SDK1: variants seen among roughly 807,000 people sequenced by gnomAD.
SDK1 encodes the protein protein sidekick-1.
Under a neutral mutation model 245.5 loss-of-function variants are expected in SDK1, and 157 were observed. That is an observed-to-expected ratio of 0.64 (90% CI 0.56 to 0.73). The LOEUF (loss-of-function observed/expected upper bound fraction) is 0.73, where lower values mean the gene tolerates loss of function less well. Among genes scored for constraint, SDK1 ranks in the 30% least tolerant of loss-of-function variants. The pLI is 0.00. For missense variants in SDK1, 3,583 were observed against 3,002.3 expected, an observed-to-expected ratio of 1.19 and a Z score of -4.52; for synonymous variants, 1,647 against 1,278.5, an observed-to-expected ratio of 1.29 and a Z score of -6.15.
intron 1 of SDK1, among the ~76,000 whole-genome samples, chr7:3,599,959 T>C (rs112585454): frequency 4.6e-4 from 70 of 152,346 alleles, no homozygotes; most frequent in African/African-American, 1.3e-3. Flanking sequence ...TATATATCTA[T>C]AATTAAATAT....
intron 35 of SDK1, among the ~76,000 whole-genome samples, chr7:4,187,029 G>C (rs1169030127): frequency 2.0e-5 from 3 of 152,190 alleles, no homozygotes; most frequent in Admixed American, 6.5e-5. Flanking sequence ...CCACACTGTG[G>C]TTCGGAGTGG....
intron 4 of SDK1, among the ~76,000 whole-genome samples, chr7:3,695,280 G>A (rs1190745725): frequency 6.6e-6 from 1 of 152,164 alleles, no homozygotes; most frequent in Non-Finnish European, 1.5e-5. Flanking sequence ...AATGGATTCT[G>A]TCATTATAAT....
At chr7:3,425,384 G>A (rs1779647252) in intron 1 of SDK1, among the ~76,000 whole-genome samples, 2 of 152,142 alleles carry the variant, frequency 1.3e-5, no homozygotes, top group East Asian at 3.8e-4. Flanking sequence ...TTGGGAGATT[G>A]ATTTCTGAGT....
At chr7:3,982,441 A>G (rs550196802) in intron 13 of SDK1, among the ~76,000 whole-genome samples, 29 of 152,358 alleles carry the variant, frequency 1.9e-4, no homozygotes, top group African/African-American at 7.0e-4. Context: ...TTTAAGGAAT[A>G]TATTTCATAA....
At chr7:3,804,658 G>A (rs1779195154) in intron 4 of SDK1, among the ~76,000 whole-genome samples, 1 of 152,170 alleles carries the variant, frequency 6.6e-6, no homozygotes, top group South Asian at 2.1e-4. Flanking sequence ...GACAAAACCA[G>A]TATCTTTACT....
chr7:3,611,781 T>C (rs1327731115), intron 1 of SDK1, among the ~76,000 whole-genome samples: 1 of 151,958 alleles, frequency 6.6e-6, no homozygotes, highest in African/African-American at 2.4e-5. Context: ...ATGCTATGCC[T>C]CCTTACTCCG....
chr7:4,141,613 C>G (rs996131999), intron 28 of SDK1, among the ~76,000 whole-genome samples: 1 of 152,198 alleles, frequency 6.6e-6, no homozygotes, highest in Admixed American at 6.5e-5. Flanking sequence ...CAAGGGAACT[C>G]AGGTAGGCTG....
chr7:3,599,146 G>GT (rs939859559), intron 1 of SDK1, among the ~76,000 whole-genome samples: 26 of 116,460 alleles, frequency 2.2e-4, no homozygotes, highest in Admixed American at 1.4e-3. Flanking sequence ...CGTTCTCGCT[G>GT]TTTTTTACTG....
intron 1 of SDK1, among the ~76,000 whole-genome samples, chr7:3,500,987 A>AT (rs536654440): frequency 6.6e-6 from 1 of 152,194 alleles, no homozygotes; most frequent in East Asian, 1.9e-4. Flanking sequence ...TTAATGATAG[A>AT]TTTTTTGAAG....
intron 5 of SDK1, among the ~76,000 whole-genome samples, chr7:3,906,134 C>G (rs1583542166): frequency 6.6e-6 from 1 of 152,112 alleles, no homozygotes; most frequent in African/African-American, 2.4e-5. Flanking sequence ...TTAGCTTTGT[C>G]TTACCTGATG....
chr7:3,947,508 C>T (rs1780626718), intron 5 of SDK1, among the ~76,000 whole-genome samples: 1 of 144,492 alleles, frequency 6.9e-6, no homozygotes. Context: ...AATTGCCTTT[C>T]CTTTTAAAAA....
intron 1 of SDK1, among the ~76,000 whole-genome samples, chr7:3,437,043 A>G (rs990183401): frequency 9.9e-5 from 15 of 152,168 alleles, no homozygotes; most frequent in African/African-American, 3.6e-4. Flanking sequence ...AGTCCAGGAG[A>G]GCCTGGTCTG....
intron 17 of SDK1, among the ~76,000 whole-genome samples, chr7:4,024,604 C>T (rs530361914): frequency 3.3e-5 from 5 of 152,316 alleles, no homozygotes; most frequent in South Asian, 4.1e-4. Context: ...TGCTGTGCCA[C>T]GTCCTTACAT....
intron 1 of SDK1, among the ~76,000 whole-genome samples, chr7:3,593,191 C>T (rs1019326052): frequency 9.9e-5 from 15 of 152,144 alleles, no homozygotes; most frequent in Non-Finnish European, 1.8e-4. Flanking sequence ...ACTTTAAGAA[C>T]GTATTTATGC....
chr7:3,828,661 T>G (rs570178613), intron 5 of SDK1, among the ~76,000 whole-genome samples: 4 of 32,918 alleles, frequency 1.2e-4, no homozygotes, highest in Admixed American at 8.9e-4. Flanking sequence ...TTTTTTTTTT[T>G]TTTTGTTTTT....
chr7:4,163,762 A>G (rs569602534), intron 32 of SDK1, among the ~76,000 whole-genome samples: 1 of 152,270 alleles, frequency 6.6e-6, no homozygotes, highest in South Asian at 2.1e-4. Context: ...CGGTGAGCAG[A>G]GCCAGGCTGG....
intron 1 of SDK1, among the ~76,000 whole-genome samples, chr7:3,507,584 C>T (rs1486071895): frequency 6.6e-6 from 1 of 152,110 alleles, no homozygotes; most frequent in Non-Finnish European, 1.5e-5. Flanking sequence ...TATTATTTAA[C>T]CTGTTATTTT....
At chr7:3,345,906 C>G (rs759221058) in intron 1 of SDK1, among the ~76,000 whole-genome samples, 1 of 152,184 alleles carries the variant, frequency 6.6e-6, no homozygotes, top group East Asian at 1.9e-4. Flanking sequence ...GGCGTTCAGT[C>G]TGTTGGAATT....
chr7:4,127,795 G>T (rs556434044), intron 26 of SDK1, among the ~76,000 whole-genome samples: 1 of 152,216 alleles, frequency 6.6e-6, no homozygotes, highest in African/African-American at 2.4e-5. Context: ...CCTCAGTGCC[G>T]CGGGCCAGTT....
Sources: allele counts gnomAD v4.1 joint callset (sites outside exome capture counted in the v4.1 genomes callset), GRCh38; gene constraint gnomAD v4.1.1; transcripts MANE v1.5; gene names NCBI Gene and HGNC (gene_info 2026-07-23, HGNC 2026-07-21).